Variants in TMOD3 observed in about 807,000 individuals in gnomAD.
TMOD3 encodes tropomodulin-3.
Under a neutral mutation model 39.2 loss-of-function variants are expected in TMOD3, and 20 were observed. That is an observed-to-expected ratio of 0.51 (90% CI 0.36 to 0.74). TMOD3 has a LOEUF of 0.74. Among genes scored for constraint, TMOD3 ranks in the 30% least tolerant of loss-of-function variants. TMOD3 has a pLI of 0.00. For missense variants in TMOD3, 381 were observed against 412.8 expected (o/e 0.92, Z 0.67); for synonymous variants, 143 against 145.8 (o/e 0.98, Z 0.14).
chr15:51,880,965 C>T (rs2056530301), intron 3 of TMOD3, among the ~76,000 whole-genome samples: 1 of 152,230 alleles, frequency 6.6e-6, no homozygotes, highest in Admixed American at 6.5e-5. Context: ...AATTTCTCCA[C>T]ATGCTTGCCA....
intron 1 of TMOD3, among the ~76,000 whole-genome samples, chr15:51,835,562 G>A (rs532866464): frequency 6.6e-6 from 1 of 152,234 alleles, no homozygotes; most frequent in Admixed American, 6.5e-5. Flanking sequence ...GCTCACCTTG[G>A]CATCCCAAAG....
chr15:51,903,420 C>A (rs1459040432), intron 9 of TMOD3, among the ~76,000 whole-genome samples: 2 of 152,194 alleles, frequency 1.3e-5, no homozygotes, highest in Admixed American at 1.3e-4. Flanking sequence ...CAACGTGTTG[C>A]CATTCTCTTA....
chr15:51,892,044 C>T (rs1379320457), intron 5 of TMOD3, among the ~76,000 whole-genome samples: 1 of 151,194 alleles, frequency 6.6e-6, no homozygotes, highest in Non-Finnish European at 1.5e-5. Context: ...ATTTTCAAAC[C>T]TTCATCTAAG....
chr15:51,881,271 C>T (rs1435662897), intron 3 of TMOD3, among the ~76,000 whole-genome samples: 2 of 152,044 alleles, frequency 1.3e-5, no homozygotes, highest in East Asian at 1.9e-4. Flanking sequence ...TTCAAATCTT[C>T]GCTTACTTTT....
chr15:51,852,300 A>T (rs2056366378), intron 1 of TMOD3, among the ~76,000 whole-genome samples: 1 of 152,206 alleles, frequency 6.6e-6, no homozygotes, highest in South Asian at 2.1e-4. Context: ...ATCCTAGGAG[A>T]AGCCAGTGAG....
intron 3 of TMOD3, among the ~76,000 whole-genome samples, chr15:51,878,360 C>T (rs1342596073): frequency 1.5e-5 from 2 of 131,020 alleles, no homozygotes; most frequent in Admixed American, 8.4e-5. Flanking sequence ...TAACAAGAAC[C>T]ATCTCTTTAA....
At chr15:51,850,979 A>G (rs1477304731) in intron 1 of TMOD3, among the ~76,000 whole-genome samples, 1 of 152,284 alleles carries the variant, frequency 6.6e-6, no homozygotes, top group Admixed American at 6.5e-5. Flanking sequence ...GTAATTCGCC[A>G]ACCTTGGCCT....
intron 1 of TMOD3, among the ~76,000 whole-genome samples, chr15:51,845,512 T>C (rs78186886): frequency 0.015 from 2,303 of 152,280 alleles, 67 homozygotes; most frequent in East Asian, 0.075. Context: ...AATTCCGTAC[T>C]TTGGGAGGCT....
rs2056720651 is a variant in TMOD3 at position 51,913,402 on chromosome 15, AT to A, written c.*4594del. 1 of 152,214 alleles carries A rather than the reference AT, an allele frequency of 6.6e-6. No individual in the cohort carries two copies. 9.4% of individuals were successfully genotyped at this position (152,214 alleles called of 1,614,324 possible). On this transcript the variant is annotated 3_prime_UTR_variant, in exon 10 of 10. Coordinates refer to ENST00000308580, the MANE Select transcript of TMOD3 (RefSeq NM_014547.5). ...AGCATTTAGAATTTCAGATTTTCAG[AT>A]TAGGGATGCTGAACTGGTGTAATGC...
At chr15:51,885,841 C>CT (rs915492571) in intron 3 of TMOD3, among the ~76,000 whole-genome samples, 3 of 150,560 alleles carry the variant, frequency 2.0e-5, no homozygotes, top group African/African-American at 7.5e-5. Flanking sequence ...GACAGAGGGG[C>CT]TCCCCACTTC....
intron 3 of TMOD3, among the ~76,000 whole-genome samples, chr15:51,875,434 A>G (rs1175494396): frequency 2.6e-5 from 4 of 152,140 alleles, no homozygotes; most frequent in Admixed American, 6.5e-5. Flanking sequence ...CGGTCATGCA[A>G]TATCATTTGA....
At chr15:51,903,142 GT>G (rs1378287125) in intron 9 of TMOD3, among the ~76,000 whole-genome samples, 2 of 152,194 alleles carry the variant, frequency 1.3e-5, no homozygotes, top group Admixed American at 6.5e-5. Context: ...TAAAAGGACT[GT>G]TGTGGAACTG....
At chr15:51,884,164 C>CTGTG (rs1482195538) in intron 3 of TMOD3, among the ~76,000 whole-genome samples, 1 of 152,186 alleles carries the variant, frequency 6.6e-6, no homozygotes, top group Non-Finnish European at 1.5e-5. Flanking sequence ...ATTAGCTGTG[C>CTGTG]TGTGTGACTT....
intron 1 of TMOD3, among the ~76,000 whole-genome samples, chr15:51,846,277 G>A (rs2056335568): frequency 6.6e-6 from 1 of 152,126 alleles, no homozygotes; most frequent in Non-Finnish European, 1.5e-5. Context: ...GCTGCCATGA[G>A]CCATGTTCAT....
At chr15:51,864,596 C>CAAA (rs2056435788) in intron 2 of TMOD3, among the ~76,000 whole-genome samples, 2 of 152,116 alleles carry the variant, frequency 1.3e-5, no homozygotes, top group African/African-American at 4.8e-5. Context: ...CTAGATTGGT[C>CAAA]AGGAGGCAAA....
intron 1 of TMOD3, among the ~76,000 whole-genome samples, chr15:51,840,527 G>A (rs1595889828): frequency 6.6e-6 from 1 of 152,166 alleles, no homozygotes; most frequent in African/African-American, 2.4e-5. Context: ...TTTTACGGAT[G>A]AGAAAACAGA....
At chr15:51,882,958 C>T (rs2056542376) in intron 3 of TMOD3, among the ~76,000 whole-genome samples, 1 of 152,178 alleles carries the variant, frequency 6.6e-6, no homozygotes, top group Admixed American at 6.5e-5. Flanking sequence ...AATTTCTTTA[C>T]TTCCACTTTT....
At chr15:51,834,134 T>C (rs529718483) in intron 1 of TMOD3, among the ~76,000 whole-genome samples, 2 of 152,320 alleles carry the variant, frequency 1.3e-5, no homozygotes, top group Admixed American at 6.5e-5. Context: ...GGGTCATTCA[T>C]CTTTTTATTG....
intron 3 of TMOD3, among the ~76,000 whole-genome samples, chr15:51,879,932 G>A (rs1392780703): frequency 6.6e-6 from 1 of 151,068 alleles, no homozygotes; most frequent in Admixed American, 6.6e-5. Context: ...GAATTAATGT[G>A]TGTCTATTAT....
Sources: gnomAD v4.1 joint callset for allele counts (sites outside exome capture counted in the v4.1 genomes callset) on GRCh38, gnomAD v4.1.1 for gene constraint, MANE v1.5 for transcripts, NCBI Gene and HGNC (gene_info 2026-07-23, HGNC 2026-07-21) for gene names.